CAST: variants seen among roughly 807,000 people sequenced by gnomAD.
CAST encodes MIR583 host.
In CAST, 76 loss-of-function variants were observed where a neutral mutation model predicts 119.6. That is an observed-to-expected ratio of 0.64 (90% confidence interval 0.53 to 0.77). The LOEUF is 0.77. CAST is among the 30% of genes least tolerant of loss of function. The probability of loss-of-function intolerance (pLI) is 0.00; values close to 1 mark genes in which losing one functional copy is unlikely to be tolerated. For synonymous variants in CAST, 319 were observed against 331.6 expected (o/e 0.96, Z 0.41); for missense variants, 953 against 946.5 (o/e 1.01, Z -0.09).
intron 3 of CAST, among the ~76,000 whole-genome samples, chr5:96,702,167 C>T (rs543043728): frequency 1.2e-4 from 19 of 152,188 alleles, no homozygotes; most frequent in South Asian, 6.2e-4. Flanking sequence ...GGTTGGTGTA[C>T]GGCTTTTCAT....
the CAST span, among the ~76,000 whole-genome samples, chr5:96,380,736 A>G: frequency 3.0e-4 from 46 of 152,336 alleles, no homozygotes; most frequent in African/African-American, 1.1e-3. Flanking sequence ...TTATTATGAA[A>G]TTAGGAATAT....
the CAST span, among the ~76,000 whole-genome samples, chr5:96,304,033 C>T: frequency 2.6e-5 from 4 of 152,188 alleles, no homozygotes; most frequent in African/African-American, 9.7e-5. Context: ...ACACTGTCTT[C>T]CACAATGGTT....
chr5:96,623,311 C>T (rs981717714), intron 1 of CAST, among the ~76,000 whole-genome samples: 4 of 152,160 alleles, frequency 2.6e-5, no homozygotes, highest in Non-Finnish European at 4.4e-5. Context: ...ATTAAAGCCA[C>T]CTGCCACTGC....
chr5:96,171,524 G>A, the CAST span, among the ~76,000 whole-genome samples: 7 of 152,188 alleles, frequency 4.6e-5, no homozygotes, highest in African/African-American at 7.2e-5. Context: ...CAGGCGTCCC[G>A]GCGGTGATCA....
chr5:95,993,025 T>G, the CAST span, among the ~76,000 whole-genome samples: 1 of 152,200 alleles, frequency 6.6e-6, no homozygotes, highest in Non-Finnish European at 1.5e-5. Context: ...TTTCATGACT[T>G]ATTATACAGC....
At chr5:96,334,554 C>T in the CAST span, among the ~76,000 whole-genome samples, 11 of 152,324 alleles carry the variant, frequency 7.2e-5, no homozygotes, top group South Asian at 2.3e-3. Context: ...TGCCACTGGC[C>T]CCTTTCTCTG....
At chr5:96,383,486 C>T in the CAST span, among the ~76,000 whole-genome samples, 18 of 152,222 alleles carry the variant, frequency 1.2e-4, no homozygotes, top group Admixed American at 3.9e-4. Flanking sequence ...CTCTCTCTGT[C>T]GCCAGGCTGG....
At chr5:95,983,571 G>A in the CAST span, among the ~76,000 whole-genome samples, 1 of 151,928 alleles carries the variant, frequency 6.6e-6, no homozygotes, top group East Asian at 1.9e-4. Context: ...TTTAAAATAC[G>A]CCATCAAATA....
At chr5:96,722,506 T>C (rs1029531830) in intron 3 of CAST, 133 bp from the exon 4 acceptor site, 9 of 661,064 alleles carry the variant, frequency 1.4e-5, no homozygotes, top group Middle Eastern at 2.6e-4. Flanking sequence ...CACCTCCTAC[T>C]AGATTTTTGT....
intron 1 of CAST, among the ~76,000 whole-genome samples, chr5:96,643,788 G>A (rs528465702): frequency 1.2e-4 from 19 of 152,232 alleles, no homozygotes; most frequent in East Asian, 9.7e-4. Flanking sequence ...CAGGAGAATC[G>A]CTTGAACCTT....
In CAST at chr5:96,740,080, G is replaced by A. The variant is rs953115470; in HGVS notation, c.841G>A (p.Glu281Lys). 1.9e-6 allele frequency: 3 copies of A among 1,581,522 alleles called. No homozygotes were observed. The highest frequency in any genetic ancestry group is 1.1e-5 in the South Asian group (1 of 87,480). Residue 281 changes from glutamate (E) to lysine (K), a missense_variant, in exon 12 of 32, where the codon GAA becomes AAA. Transcript: ENST00000675179. ...CTACATAGAGGAATTGGGTAAAAGAGAAGTCACAATTCCTCCAAAATATAG... is the reference window on the plus strand; with the variant it reads ...CTACATAGAGGAATTGGGTAAAAGAAAAGTCACAATTCCTCCAAAATATAG... ...STYIEELGKR[E>K]VTIPPKYREL...
At chr5:96,263,767 A>C in the CAST span, among the ~76,000 whole-genome samples, 1 of 152,210 alleles carries the variant, frequency 6.6e-6, no homozygotes, top group African/African-American at 2.4e-5. Context: ...ACAGTTCCAC[A>C]TGGCTGGGGA....
chr5:96,550,293 C>T (rs1746102792), intron 1 of CAST, among the ~76,000 whole-genome samples: 1 of 152,212 alleles, frequency 6.6e-6, no homozygotes, highest in Non-Finnish European at 1.5e-5. Flanking sequence ...GGACCTCCAG[C>T]AAACTGCAAC....
chr5:96,319,978 C>T, the CAST span, among the ~76,000 whole-genome samples: 1 of 149,584 alleles, frequency 6.7e-6, no homozygotes, highest in Non-Finnish European at 1.5e-5. Flanking sequence ...AGCAAAGATC[C>T]CAAAAGGAAG....
chr5:96,515,400 G>C, the CAST span, among the ~76,000 whole-genome samples: 5,790 of 151,888 alleles, frequency 0.038, 326 homozygotes, highest in African/African-American at 0.12. Flanking sequence ...CAGTCATTTT[G>C]GGACCATAAA....
At chr5:96,756,210 C>T (rs1766294149) in intron 22 of CAST, among the ~76,000 whole-genome samples, 1 of 152,204 alleles carries the variant, frequency 6.6e-6, no homozygotes. Context: ...GCCACAACCT[C>T]CCCTTCCAGA....
the CAST span, among the ~76,000 whole-genome samples, chr5:96,067,882 A>T: frequency 6.6e-6 from 1 of 152,126 alleles, no homozygotes; most frequent in African/African-American, 2.4e-5. Flanking sequence ...TAAAAAAAAA[A>T]AAAACTTGCT....
the CAST span, among the ~76,000 whole-genome samples, chr5:96,297,828 G>T: frequency 6.6e-6 from 1 of 151,900 alleles, no homozygotes; most frequent in African/African-American, 2.4e-5. Context: ...ATAGTTTATG[G>T]TGTCTTTCCT....
chr5:96,439,334 C>CA, the CAST span, among the ~76,000 whole-genome samples: 61,507 of 151,646 alleles, frequency 0.41, 13,442 homozygotes, highest in South Asian at 0.55. Context: ...GAAGCAATCA[C>CA]AAAAAATTAT....
Sources: gnomAD v4.1 joint callset for allele counts (sites outside exome capture counted in the v4.1 genomes callset) on GRCh38, gnomAD v4.1.1 for gene constraint, MANE v1.5 for transcripts, NCBI Gene and HGNC (gene_info 2026-07-23, HGNC 2026-07-21) for gene names.